ROCK2: variants seen among roughly 807,000 people sequenced by gnomAD.
ROCK2 encodes the protein rho-associated protein kinase 2.
Under a neutral mutation model 195.1 loss-of-function variants are expected in ROCK2, and 61 were observed. That is an observed-to-expected ratio of 0.31 (90% confidence interval 0.25 to 0.39). ROCK2 has a LOEUF of 0.39. ROCK2 is among the 10% of genes least tolerant of loss of function. The pLI, the probability that ROCK2 is intolerant of heterozygous loss-of-function variation, is 1.00. For missense variants in ROCK2, 1,109 were observed against 1,637.4 expected, an observed-to-expected ratio of 0.68 and a Z score of 5.57; for synonymous variants, 504 against 545.5, an observed-to-expected ratio of 0.92 and a Z score of 1.06.
intron 9 of ROCK2, among the ~76,000 whole-genome samples, chr2:11,220,132 C>T (rs1243802193): frequency 6.6e-6 from 1 of 152,194 alleles, no homozygotes; most frequent in Admixed American, 6.5e-5. Flanking sequence ...ATTCTCCTGC[C>T]TCAACCTCCA....
At chr2:11,289,904 T>C (rs1280761520) in intron 1 of ROCK2, among the ~76,000 whole-genome samples, 2 of 152,204 alleles carry the variant, frequency 1.3e-5, no homozygotes, top group East Asian at 1.9e-4. Flanking sequence ...AACTCAACCA[T>C]CTTGTTTATA....
At chr2:11,328,308 G>C (rs957303720) in intron 1 of ROCK2, among the ~76,000 whole-genome samples, 1 of 152,098 alleles carries the variant, frequency 6.6e-6, no homozygotes, top group Admixed American at 6.5e-5. Context: ...CTACATTTGG[G>C]GGGGGAAACA....
At position 11,221,423 on chromosome 2, in the gene ROCK2, TATG is replaced by T. The variant is rs1664633350; in HGVS notation, c.1100-69_1100-67del. On this transcript the variant is annotated intron_variant, in intron 8 of 32. Coordinates refer to ENST00000315872, the MANE Select transcript of ROCK2 (RefSeq NM_004850.5). ...AAATATATAAACCATCCTATTTTAT[TATG>T]ATGTATTATTTATTATTTAATAACA... 6 of 1,131,396 alleles carry T rather than the reference TATG, an allele frequency of 5.3e-6. No homozygotes were observed. The South Asian group carries it at 1.1e-4, about 20-fold the overall frequency. 70.1% of individuals were successfully genotyped at this position (1,131,396 alleles called of 1,614,324 possible).
At chr2:11,260,394 G>A (rs1666184098) in intron 3 of ROCK2, among the ~76,000 whole-genome samples, 1 of 144,732 alleles carries the variant, frequency 6.9e-6, no homozygotes, top group South Asian at 2.2e-4. Flanking sequence ...GTTGCAGTGA[G>A]CTGAGATCAC....
intron 1 of ROCK2, among the ~76,000 whole-genome samples, chr2:11,312,999 G>A (rs1287318966): frequency 6.6e-6 from 1 of 152,006 alleles, no homozygotes; most frequent in African/African-American, 2.4e-5. Flanking sequence ...GTGGAGCACG[G>A]GGGAGTTTTA....
intron 32 of ROCK2, among the ~76,000 whole-genome samples, chr2:11,185,991 A>G (rs1391834295): frequency 6.6e-6 from 1 of 152,214 alleles, no homozygotes; most frequent in African/African-American, 2.4e-5. Context: ...AAAAGGGCCC[A>G]AATATTTGCA....
At chr2:11,227,013 G>A (rs918184770) in intron 6 of ROCK2, among the ~76,000 whole-genome samples, 1 of 150,826 alleles carries the variant, frequency 6.6e-6, no homozygotes, top group Admixed American at 6.6e-5. Context: ...AAAAATGTCT[G>A]ATATATTTTT....
intron 3 of ROCK2, among the ~76,000 whole-genome samples, chr2:11,268,488 T>TGTGTGTG (rs139318888): frequency 6.3e-4 from 94 of 149,764 alleles, no homozygotes; most frequent in Non-Finnish European, 1.1e-3. Flanking sequence ...GTTTTTTTCC[T>TGTGTGTG]TGTGTGTGTG....
chr2:11,224,501 T>C, intron 6 of ROCK2, 41 bp from the exon 7 acceptor site: 2 of 1,583,534 alleles, frequency 1.3e-6, no homozygotes, highest in Non-Finnish European at 1.7e-6. Flanking sequence ...TAACAGAGAA[T>C]GCAAAGGAAA....
intron 1 of ROCK2, among the ~76,000 whole-genome samples, chr2:11,321,558 AT>A (rs201857487): frequency 1.5e-4 from 23 of 150,948 alleles, no homozygotes; most frequent in Non-Finnish European, 2.8e-4. Flanking sequence ...CTCTGGACTG[AT>A]TTTTTTTTAA....
At chr2:11,307,034 C>G (rs985619886) in intron 1 of ROCK2, among the ~76,000 whole-genome samples, 2 of 152,062 alleles carry the variant, frequency 1.3e-5, no homozygotes, top group Non-Finnish European at 2.9e-5. Flanking sequence ...ACTGAGGTCT[C>G]GATATTTCAT....
intron 2 of ROCK2, among the ~76,000 whole-genome samples, chr2:11,287,086 T>A (rs1190690535): frequency 1.3e-5 from 2 of 152,238 alleles, no homozygotes; most frequent in South Asian, 2.1e-4. Flanking sequence ...TAAGATTGTT[T>A]AATTGGGAAA....
intron 13 of ROCK2, among the ~76,000 whole-genome samples, 171 bp downstream of exon 13, chr2:11,215,987 A>ATTTATTTATTTATTT (rs1664412342): frequency 2.0e-5 from 3 of 152,224 alleles, no homozygotes; most frequent in Non-Finnish European, 4.4e-5. Flanking sequence ...AACATAACAG[A>ATTTATTTATTTATTT]ATGAAGCCTA....
chr2:11,295,989 A>AGAGAGAGAGAGAGAGAGG (rs1329784247), intron 1 of ROCK2, among the ~76,000 whole-genome samples: 1 of 23,438 alleles, frequency 4.3e-5, no homozygotes. Flanking sequence ...AGAGAGAGAG[A>AGAGAGAGAGAGAGAGAGG]GGAGAGAGAG....
intron 6 of ROCK2, among the ~76,000 whole-genome samples, chr2:11,226,580 CTT>C (rs1413705470): frequency 2.0e-5 from 3 of 151,940 alleles, no homozygotes; most frequent in Non-Finnish European, 4.4e-5. Context: ...AATATTAAGT[CTT>C]ATATTTAAAT....
At chr2:11,289,409 T>A (rs1667294614) in intron 1 of ROCK2, among the ~76,000 whole-genome samples, 1 of 152,224 alleles carries the variant, frequency 6.6e-6, no homozygotes, top group Admixed American at 6.5e-5. Flanking sequence ...AAATGTAAAA[T>A]CTGAATCATT....
chr2:11,228,531 T>C (rs555816902), intron 5 of ROCK2, among the ~76,000 whole-genome samples: 41 of 152,246 alleles, frequency 2.7e-4, no homozygotes, highest in Middle Eastern at 3.4e-3. Flanking sequence ...TAACACTTTG[T>C]GTGGATTATT....
chr2:11,343,136 G>GT (rs1450462080), intron 1 of ROCK2, among the ~76,000 whole-genome samples: 4 of 152,036 alleles, frequency 2.6e-5, no homozygotes, highest in African/African-American at 9.7e-5. Flanking sequence ...CCTCCCCAGG[G>GT]TAAAAGTCCA....
intron 1 of ROCK2, among the ~76,000 whole-genome samples, chr2:11,319,473 T>C (rs1350992383): frequency 2.0e-5 from 3 of 152,150 alleles, no homozygotes; most frequent in African/African-American, 4.8e-5. Context: ...TTTGCTGAAG[T>C]TGCTTATCAG....
Sources: allele counts gnomAD v4.1 joint callset (sites outside exome capture counted in the v4.1 genomes callset), GRCh38; gene constraint gnomAD v4.1.1; transcripts MANE v1.5; gene names NCBI Gene and HGNC (gene_info 2026-07-23, HGNC 2026-07-21).